Variants in SCAPER observed in about 807,000 individuals in gnomAD.
SCAPER encodes the protein S phase cyclin A-associated protein in the endoplasmic reticulum.
SCAPER carries 98 observed loss-of-function variants against 182.2 expected under a neutral mutation model. The observed-to-expected ratio is 0.54, with a 90% CI of 0.46 to 0.64. SCAPER has a LOEUF of 0.64. SCAPER is among the 30% of genes least tolerant of loss of function. SCAPER has a pLI of 0.00. For synonymous variants in SCAPER, 605 were observed against 564.6 expected (o/e 1.07, Z -1.01); for missense variants, 1,432 against 1,690.0 (o/e 0.85, Z 2.68).
intron 5 of SCAPER, among the ~76,000 whole-genome samples, chr15:76,805,223 C>A (rs1192197355): frequency 6.6e-6 from 1 of 152,070 alleles, no homozygotes; most frequent in African/African-American, 2.4e-5. Flanking sequence ...AATACTGCTG[C>A]TATAAAACTT....
Position 76,525,340 on chromosome 15 carries a change from T to C in SCAPER, c.2839-20366A>G, listed in dbSNP as rs2043121696. Reference sequence around the variant, plus strand: ...GTTATTGTTGTGGACTACAGTGTAATTTTTTTTCTTTTTTAAATATAAATA... The same window carrying C: ...GTTATTGTTGTGGACTACAGTGTAACTTTTTTTCTTTTTTAAATATAAATA... On this transcript the variant is annotated intron_variant, in intron 23 of 31. Transcript: ENST00000563290. Among the ~76,000 whole-genome samples the C allele has an allele frequency of 2.6e-5, 4 of 152,120 alleles. No individual in the cohort carries two copies. The South Asian group carries it at 6.2e-4, about 24-fold the overall frequency.
At chr15:76,603,982 C>T (rs559371758) in intron 22 of SCAPER, among the ~76,000 whole-genome samples, 2 of 121,386 alleles carry the variant, frequency 1.6e-5, no homozygotes, top group African/African-American at 5.0e-5. Context: ...GTTGCCTGTT[C>T]AGTCTGATGG....
intron 4 of SCAPER, among the ~76,000 whole-genome samples, chr15:76,843,758 A>G (rs573230242): frequency 1.3e-5 from 2 of 152,216 alleles, no homozygotes; most frequent in East Asian, 3.9e-4. Flanking sequence ...GGAGTTTGAG[A>G]ACAGACCAGG....
chr15:76,861,209 T>C (rs560541398), intron 3 of SCAPER, among the ~76,000 whole-genome samples: 474 of 152,292 alleles, frequency 3.1e-3, no homozygotes, highest in African/African-American at 0.011. Flanking sequence ...GTGAGTGTAC[T>C]GTTTCAACAA....
intron 23 of SCAPER, among the ~76,000 whole-genome samples, chr15:76,519,420 G>C (rs1035177886): frequency 2.0e-5 from 3 of 152,164 alleles, no homozygotes; most frequent in Non-Finnish European, 2.9e-5. Context: ...GAGAAAGATA[G>C]GCAGGAATGA....
At chr15:76,726,558 A>C (rs2060612123) in intron 17 of SCAPER, among the ~76,000 whole-genome samples, 1 of 152,044 alleles carries the variant, frequency 6.6e-6, no homozygotes, top group South Asian at 2.1e-4. Flanking sequence ...TGTTTATAGC[A>C]GCATTATTCA....
intron 15 of SCAPER, among the ~76,000 whole-genome samples, chr15:76,745,598 A>C (rs983497560): frequency 6.6e-6 from 1 of 152,234 alleles, no homozygotes; most frequent in African/African-American, 2.4e-5. Flanking sequence ...AAAGAATTAA[A>C]AGAACTATAA....
intron 2 of SCAPER, 62 bp downstream of exon 2, chr15:76,883,750 A>C (rs553999927): frequency 7.6e-7 from 1 of 1,314,242 alleles, no homozygotes; most frequent in African/African-American, 1.5e-5. Flanking sequence ...TAAAAAAGAT[A>C]AAAGAAAGGA....
chr15:76,728,616 T>A lies in SCAPER; in HGVS notation c.2144A>T (p.Asp715Val). The A allele has an allele frequency of 6.2e-7, 1 of 1,613,672 alleles. No individual in the cohort carries two copies. The highest frequency in any genetic ancestry group is 8.5e-7 in the Non-Finnish European group (1 of 1,179,654). ...ATACCTAGCTCTTTCCCGGGCTGCA[T>A]CCTCACGGGCTTTTTCCTTTTCTTG... ...QRQEKEKARE[D>V]AARERARDRE... Residue 715 changes from aspartate to valine, a missense_variant, in exon 17 of 32, where the codon GAT (aspartate) becomes GTT (valine). Physicochemically the swap from Asp to Val is radical, Grantham distance 152. Coordinates refer to ENST00000563290, the MANE Select transcript of SCAPER (RefSeq NM_020843.4).
intron 30 of SCAPER, among the ~76,000 whole-genome samples, chr15:76,352,933 G>A (rs1002519442): frequency 1.3e-5 from 2 of 151,534 alleles, no homozygotes; most frequent in African/African-American, 4.9e-5. Flanking sequence ...ATAAAACGTA[G>A]ATTCAAACAG....
chr15:76,728,161 T>C (rs67570291), intron 17 of SCAPER, among the ~76,000 whole-genome samples: 57,542 of 150,846 alleles, frequency 0.38, 12,966 homozygotes, highest in Middle Eastern at 0.53. Context: ...TAAGGGATAA[T>C]TGAAGGTCAT....
intron 25 of SCAPER, among the ~76,000 whole-genome samples, chr15:76,463,703 CT>C (rs1318124800): frequency 6.6e-6 from 1 of 152,036 alleles, no homozygotes; most frequent in Non-Finnish European, 1.5e-5. Flanking sequence ...TAATTAAGTG[CT>C]TTTTCAGTAT....
chr15:76,444,233 A>C (rs949902722), intron 25 of SCAPER, among the ~76,000 whole-genome samples: 2 of 152,168 alleles, frequency 1.3e-5, no homozygotes, highest in African/African-American at 4.8e-5. Flanking sequence ...CTAATCTTAA[A>C]AAATCTGTAA....
chr15:76,518,980 T>C (rs942708724), intron 23 of SCAPER, among the ~76,000 whole-genome samples: 6 of 152,226 alleles, frequency 3.9e-5, no homozygotes, highest in African/African-American at 1.4e-4. Context: ...TCTGTGCTGC[T>C]ACTATTAGCT....
chr15:76,697,586 GT>G (rs1210266999), intron 20 of SCAPER, among the ~76,000 whole-genome samples: 3 of 151,794 alleles, frequency 2.0e-5, no homozygotes, highest in South Asian at 2.1e-4. Flanking sequence ...AAATTGTTAA[GT>G]TTTTTTTGTA....
rs537632429 is a variant in SCAPER, at chr15:76,452,004, T to C, written c.3079-17694A>G. Among the ~76,000 whole-genome samples, 8 of 152,314 alleles carry C rather than the reference T, an allele frequency of 5.3e-5. 1 individual carries two copies. In the South Asian group the frequency reaches 1.7e-3, roughly 32 times the overall value. On this transcript the variant is annotated intron_variant, in intron 25 of 31. Coordinates refer to ENST00000563290, the MANE Select transcript of SCAPER (RefSeq NM_020843.4). ...TTCTATTCTCTTTTCCTCTTCATTTTATCTCCTTCCTTAACCTCCCTCTTC... is the reference window on the plus strand; with the variant it reads ...TTCTATTCTCTTTTCCTCTTCATTTCATCTCCTTCCTTAACCTCCCTCTTC...
chr15:76,447,511 T>C lies in SCAPER; in HGVS notation c.3079-13201A>G, dbSNP rs376453002. Among the ~76,000 whole-genome samples, 41 of 151,960 alleles carry C rather than the reference T, an allele frequency of 2.7e-4. No individual in the cohort carries two copies. The East Asian group carries it at 7.5e-3, about 28-fold the overall frequency. On this transcript the variant is annotated intron_variant, in intron 25 of 31. Transcript: ENST00000563290. ...CTGTGGGTATGATGCTACCTTCAAGTAGTCAGAATTGAATTGAAGTAGAGG... is the reference window on the plus strand; with the variant it reads ...CTGTGGGTATGATGCTACCTTCAAGCAGTCAGAATTGAATTGAAGTAGAGG...
intron 8 of SCAPER, 57 bp from the exon 9 acceptor site, chr15:76,775,174 G>A (rs2063675534): frequency 2.8e-6 from 4 of 1,439,528 alleles, no homozygotes; most frequent in South Asian, 1.4e-5. Flanking sequence ...AAAATATTTG[G>A]AAACTCATAG....
At chr15:76,704,641 G>C (rs1387502840) in intron 18 of SCAPER, among the ~76,000 whole-genome samples, 1 of 151,838 alleles carries the variant, frequency 6.6e-6, no homozygotes, top group Non-Finnish European at 1.5e-5. Flanking sequence ...TTCGCAACCT[G>C]CTCATCTGAC....
Sources: allele counts gnomAD v4.1 joint callset (sites outside exome capture counted in the v4.1 genomes callset), GRCh38; gene constraint gnomAD v4.1.1; transcripts MANE v1.5; gene names NCBI Gene and HGNC (gene_info 2026-07-23, HGNC 2026-07-21).